The following CR1L variants were observed in gnomAD, a reference collection of about 807,000 sequenced individuals.
The protein encoded by CR1L is complement C3b/C4b receptor 1 like.
A neutral mutation model predicts 62.3 loss-of-function variants in CR1L; 59 were observed. That is an observed-to-expected ratio of 0.95 (90% CI 0.77 to 1.18). The LOEUF (loss-of-function observed/expected upper bound fraction) is 1.18. Ranked by LOEUF, CR1L falls within the 50% of genes most tolerant of loss-of-function variation. The probability of loss-of-function intolerance (pLI) is 0.00; values close to 1 mark genes in which losing one functional copy is unlikely to be tolerated. For missense variants in CR1L, 700 were observed against 702.8 expected (o/e 1.00, Z 0.04); for synonymous variants, 279 against 248.7 (o/e 1.12, Z -1.15).
At chr1:207,657,074 T>C (rs1286886178) in intron 1 of CR1L, 1 of 605,520 alleles carries the variant, frequency 1.7e-6, no homozygotes, top group Non-Finnish European at 3.0e-6. Context: ...ATTTTACTAA[T>C]GCTGCCTTAA....
intron 4 of CR1L, among the ~76,000 whole-genome samples, chr1:207,686,573 A>T (rs1473884798): frequency 6.6e-6 from 1 of 152,170 alleles, no homozygotes; most frequent in Non-Finnish European, 1.5e-5. Flanking sequence ...TACATTCTTA[A>T]AATCAACTAA....
chr1:207,664,563 G>C (rs1663481656), intron 1 of CR1L, among the ~76,000 whole-genome samples: 1 of 152,064 alleles, frequency 6.6e-6, no homozygotes, highest in Admixed American at 6.6e-5. Flanking sequence ...TACTCAATAA[G>C]GTATCCAGGC....
rs1489242883 is a variant in CR1L at position 207,701,615 on chromosome 1, C to A, written c.1325C>A (p.Thr442Lys). 2 of 1,613,724 alleles carry A rather than the reference C, an allele frequency of 1.2e-6. No homozygotes were observed. The highest frequency in any genetic ancestry group is 2.2e-5 in the South Asian group (2 of 91,078). Residue 442 changes from threonine (T) to lysine (K), a missense_variant, in exon 9 of 12, where the codon ACA (threonine) becomes AAA (lysine). By Grantham distance (78) the Thr-to-Lys change is moderately conservative. Coordinates refer to ENST00000508064, the MANE Select transcript of CR1L (RefSeq NM_175710.2). ...VGSRINYSCTTGHRLIGHSSA... is the reference protein window; with the variant it reads ...VGSRINYSCTKGHRLIGHSSA... Reference sequence around the variant, plus strand: ...TCCAGAATCAACTATTCTTGTACTACAGGGTGAGTTGGCAGCAACATCTCT... The same window carrying A: ...TCCAGAATCAACTATTCTTGTACTAAAGGGTGAGTTGGCAGCAACATCTCT...
At chr1:207,718,742 G>C (rs567444693) in intron 11 of CR1L, among the ~76,000 whole-genome samples, 1 of 152,156 alleles carries the variant, frequency 6.6e-6, no homozygotes, top group Admixed American at 6.5e-5. Context: ...TTGGCTAATT[G>C]GACTTAGAAC....
chr1:207,657,282 A>G (rs1358803710), intron 1 of CR1L: 7 of 1,511,042 alleles, frequency 4.6e-6, no homozygotes, highest in Non-Finnish European at 5.5e-6. Context: ...TATTGTGGTG[A>G]CAATTCAGTA....
intron 1 of CR1L, chr1:207,658,871 A>C (rs1457651769): frequency 6.6e-6 from 1 of 152,434 alleles, no homozygotes; most frequent in Non-Finnish European, 1.5e-5. Context: ...GGGGAAAATA[A>C]AGGAAGCTTT....
chr1:207,655,312 C>A, intron 1 of CR1L: 2 of 498,898 alleles, frequency 4.0e-6, no homozygotes, highest in Non-Finnish European at 3.7e-6. Context: ...TTAATTCAGA[C>A]CAGTAGTCCT....
At chr1:207,669,421 G>A in intron 1 of CR1L, 1 of 1,230,528 alleles carries the variant, frequency 8.1e-7, no homozygotes, top group Non-Finnish European at 1.2e-6. Context: ...GATCAAATCT[G>A]GTTTGTAGAT....
intron 11 of CR1L, 142 bp from the exon 12 acceptor site, chr1:207,723,476 G>T: frequency 1.5e-6 from 1 of 648,166 alleles, no homozygotes; most frequent in Non-Finnish European, 2.6e-6. Flanking sequence ...GAGAGTATAT[G>T]AGTGAAATCA....
chr1:207,713,934 G>C (rs951036775), intron 10 of CR1L, among the ~76,000 whole-genome samples: 3 of 152,180 alleles, frequency 2.0e-5, no homozygotes, highest in African/African-American at 7.2e-5. Flanking sequence ...GCATCTCCAG[G>C]GCTGACTGGA....
At chr1:207,652,546 G>A in intron 1 of CR1L, 1 of 1,497,376 alleles carries the variant, frequency 6.7e-7, no homozygotes, top group East Asian at 2.3e-5. Context: ...CTTATCCCTA[G>A]ATGCCTATGA....
At chr1:207,650,744 G>T (rs1208310617) in intron 1 of CR1L, among the ~76,000 whole-genome samples, 1 of 151,908 alleles carries the variant, frequency 6.6e-6, no homozygotes, top group African/African-American at 2.4e-5. Context: ...TTGCAAGCAG[G>T]TGTGAATGTA....
chr1:207,645,165 T>C lies in CR1L; in HGVS notation c.-69T>C. On this transcript the variant is annotated 5_prime_UTR_variant, in exon 1 of 12. Transcript: ENST00000508064. ...CCACTAACCGGACTCAGAAGGGACTTCCCTGCTCGGCTGGCTTTCGGTTTC... is the reference window on the plus strand; with the variant it reads ...CCACTAACCGGACTCAGAAGGGACTCCCCTGCTCGGCTGGCTTTCGGTTTC... 2.0e-6 allele frequency: 3 copies of C among 1,514,288 alleles called. No homozygotes were observed. The highest frequency in any genetic ancestry group is 2.7e-6 in the Non-Finnish European group (3 of 1,096,580). The allele number at this position is 1,514,288 out of a possible 1,614,324, so 93.8% of individuals were successfully genotyped here.
chr1:207,670,616 T>C (rs1663595054), intron 1 of CR1L, among the ~76,000 whole-genome samples: 1 of 151,052 alleles, frequency 6.6e-6, no homozygotes, highest in Non-Finnish European at 1.5e-5. Flanking sequence ...TCTCTGCCAC[T>C]AGACGTTTTG....
At chr1:207,682,251 C>T (rs2102460964) in intron 3 of CR1L, among the ~76,000 whole-genome samples, 1 of 151,698 alleles carries the variant, frequency 6.6e-6, no homozygotes, top group South Asian at 2.1e-4. Flanking sequence ...TGGGAGAAAT[C>T]ACCTGAGGTC....
At chr1:207,711,068 T>C (rs1664350312) in intron 10 of CR1L, among the ~76,000 whole-genome samples, 1 of 152,248 alleles carries the variant, frequency 6.6e-6, no homozygotes, top group East Asian at 1.9e-4. Context: ...CTCTCAATTA[T>C]ATTGAAAAAT....
chr1:207,715,284 AT>A (rs1182346486), intron 10 of CR1L: 1 of 1,433,800 alleles, frequency 7.0e-7, no homozygotes, highest in Non-Finnish European at 9.7e-7. Flanking sequence ...TTGCTCACAC[AT>A]TTGCTACCAC....
chr1:207,698,943 G>C (rs939041353), intron 7 of CR1L, among the ~76,000 whole-genome samples: 1 of 152,158 alleles, frequency 6.6e-6, no homozygotes, highest in Non-Finnish European at 1.5e-5. Context: ...GGAGATGGTG[G>C]CTATTTTGTG....
chr1:207,668,958 C>A (rs1467383694), intron 1 of CR1L, among the ~76,000 whole-genome samples: 1 of 151,068 alleles, frequency 6.6e-6, no homozygotes, highest in Non-Finnish European at 1.5e-5. Context: ...TCTCAATTCA[C>A]GATAAGGAAA....
Sources: allele counts gnomAD v4.1 joint callset (sites outside exome capture counted in the v4.1 genomes callset), GRCh38; gene constraint gnomAD v4.1.1; transcripts MANE v1.5; gene names NCBI Gene and HGNC (gene_info 2026-07-23, HGNC 2026-07-21).